The following DENND1A variants were observed in gnomAD, a reference collection of about 807,000 sequenced individuals.
The protein encoded by DENND1A is DENN domain containing 1A.
In DENND1A, 51 loss-of-function variants were observed where a neutral mutation model predicts 113.7. The ratio of observed to expected loss-of-function variants is 0.45; its 90% CI spans 0.36 to 0.57. The LOEUF (loss-of-function observed/expected upper bound fraction) is 0.57. DENND1A is among the 20% of genes least tolerant of loss of function. The pLI, the probability that DENND1A is intolerant of heterozygous loss-of-function variation, is 0.00. For synonymous variants in DENND1A, 565 were observed against 570.8 expected, an observed-to-expected ratio of 0.99 and a Z score of 0.14; for missense variants, 1,258 against 1,395.9, an observed-to-expected ratio of 0.90 and a Z score of 1.57.
intron 5 of DENND1A, among the ~76,000 whole-genome samples, chr9:123,741,683 T>C (rs564480050): frequency 6.6e-6 from 1 of 152,324 alleles, no homozygotes; most frequent in East Asian, 1.9e-4. Context: ...ATCCTGGTTA[T>C]CCCTTCACCT....
chr9:123,527,538 C>T (rs1484782103), intron 13 of DENND1A, among the ~76,000 whole-genome samples: 2 of 152,138 alleles, frequency 1.3e-5, no homozygotes, highest in Admixed American at 6.6e-5. Context: ...CCTGGCTACC[C>T]CACTCATTTA....
intron 10 of DENND1A, among the ~76,000 whole-genome samples, chr9:123,623,911 C>T (rs575211243): frequency 2.6e-5 from 4 of 152,300 alleles, no homozygotes; most frequent in African/African-American, 9.6e-5. Context: ...ACGAAGACTT[C>T]ATCTTCAGGC....
intron 11 of DENND1A, among the ~76,000 whole-genome samples, chr9:123,584,813 G>A (rs903117591): frequency 3.3e-5 from 5 of 152,034 alleles, no homozygotes; most frequent in African/African-American, 9.7e-5. Context: ...ACTGACCTCC[G>A]CACAGCCCTT....
chr9:123,495,736 A>T (rs2051853740), intron 13 of DENND1A, among the ~76,000 whole-genome samples: 1 of 151,910 alleles, frequency 6.6e-6, no homozygotes, highest in Non-Finnish European at 1.5e-5. Flanking sequence ...TTTTCTTCTA[A>T]CTCCCCACAC....
intron 10 of DENND1A, among the ~76,000 whole-genome samples, chr9:123,615,583 T>G (rs1319811471): frequency 6.6e-6 from 1 of 152,224 alleles, no homozygotes; most frequent in Non-Finnish European, 1.5e-5. Flanking sequence ...CTCAGTCACA[T>G]GGTGGCCCCA....
chr9:123,581,082 G>A (rs1288761235), intron 12 of DENND1A, among the ~76,000 whole-genome samples: 3 of 150,356 alleles, frequency 2.0e-5, no homozygotes, highest in Admixed American at 2.0e-4. Context: ...GTAGGGCAGA[G>A]GGGCCATGTG....
chr9:123,613,467 T>A (rs932441867), intron 10 of DENND1A, among the ~76,000 whole-genome samples: 1 of 152,220 alleles, frequency 6.6e-6, no homozygotes, highest in Admixed American at 6.5e-5. Context: ...ATCCATCTAC[T>A]AGAAGTGATC....
rs375770281 is a variant in DENND1A at position 123,566,149 on chromosome 9, C to T, written c.868-8454G>A. On this transcript the variant is annotated intron_variant, in intron 12 of 23. Transcript: ENST00000394215. ...GAGTCTGTGCTAGTCCATTGATTCT[C>T]ACTGCTGCCAGGGTTTCTTAGACCA... Among the ~76,000 whole-genome samples, 9 of 152,348 alleles carry T rather than the reference C, an allele frequency of 5.9e-5. 1 individual carries two copies. The highest frequency in any genetic ancestry group is 2.0e-4 in the Admixed American group (3 of 15,304).
chr9:123,924,444 G>C (rs745307005), intron 1 of DENND1A, among the ~76,000 whole-genome samples: 3 of 152,056 alleles, frequency 2.0e-5, no homozygotes, highest in Non-Finnish European at 2.9e-5. Flanking sequence ...CAAGGCAGTC[G>C]GATCATCAGG....
chr9:123,699,537 T>G (rs2065744155), intron 5 of DENND1A, among the ~76,000 whole-genome samples: 1 of 152,072 alleles, frequency 6.6e-6, no homozygotes, highest in Non-Finnish European at 1.5e-5. Context: ...CCTGGCTCCC[T>G]GTGCCCATCT....
At chr9:123,488,204 T>C (rs529480275) in intron 13 of DENND1A, among the ~76,000 whole-genome samples, 36 of 152,366 alleles carry the variant, frequency 2.4e-4, no homozygotes, top group African/African-American at 8.2e-4. Flanking sequence ...AATGGAGTCA[T>C]GATGTGAACC....
Position 123,884,303 on chromosome 9 carries a change from C to A in DENND1A, c.18-5282G>T, listed in dbSNP as rs1267141713. On this transcript the variant is annotated intron_variant, in intron 1 of 23. Transcript: ENST00000394215. Reference sequence around the variant, plus strand: ...GAAAATCCTATTTCTGTCCTATTAACACTCACTGCTAATTTGGTACATGTA... The same window carrying A: ...GAAAATCCTATTTCTGTCCTATTAAAACTCACTGCTAATTTGGTACATGTA... 2.0e-5 allele frequency among the ~76,000 whole-genome samples: 3 copies of A among 152,142 alleles called. No individual in the cohort carries two copies. In the East Asian group the frequency reaches 5.8e-4, roughly 29 times the overall value.
At chr9:123,852,057 C>T (rs1034198803) in intron 2 of DENND1A, among the ~76,000 whole-genome samples, 1 of 152,190 alleles carries the variant, frequency 6.6e-6, no homozygotes, top group Non-Finnish European at 1.5e-5. Context: ...TGTGCTCCAA[C>T]GTGCCTCCTG....
chr9:123,805,381 G>A (rs1835366200), intron 2 of DENND1A, among the ~76,000 whole-genome samples: 1 of 151,758 alleles, frequency 6.6e-6, no homozygotes, highest in South Asian at 2.1e-4. Context: ...AAGTCTAAAT[G>A]CAAAATTTAT....
chr9:123,715,635 G>A (rs1320500542), intron 5 of DENND1A, among the ~76,000 whole-genome samples: 1 of 152,142 alleles, frequency 6.6e-6, no homozygotes, highest in Non-Finnish European at 1.5e-5. Context: ...TATGTCTAGA[G>A]CTCAGAGAAA....
chr9:123,846,735 GT>G (rs1234073473), intron 2 of DENND1A, among the ~76,000 whole-genome samples: 1 of 152,192 alleles, frequency 6.6e-6, no homozygotes, highest in Non-Finnish European at 1.5e-5. Context: ...TGATTACAAA[GT>G]TTTTATTTGA....
chr9:123,709,063 T>G (rs1287915623), intron 5 of DENND1A, among the ~76,000 whole-genome samples: 1 of 152,218 alleles, frequency 6.6e-6, no homozygotes, highest in Non-Finnish European at 1.5e-5. Context: ...GGTCAGCATA[T>G]CAAGGGCTGT....
chr9:123,785,908 G>A (rs1832087633), intron 3 of DENND1A, among the ~76,000 whole-genome samples: 1 of 152,118 alleles, frequency 6.6e-6, no homozygotes, highest in African/African-American at 2.4e-5. Flanking sequence ...AATCAACAGT[G>A]ACTCTTAGAA....
chr9:123,722,977 C>G lies in DENND1A; in HGVS notation c.302+34726G>C, dbSNP rs548098670. Among the ~76,000 whole-genome samples the G allele has an allele frequency of 6.6e-5, 10 of 152,282 alleles. No homozygotes were observed. In the South Asian group the frequency reaches 2.1e-3, roughly 32 times the overall value. ...TCCACTGACAGCTTGCACTGTGTGC[C>G]TAGAAAAAGCTGAAGATACTCAATA... On this transcript the variant is annotated intron_variant, in intron 5 of 23. Coordinates refer to ENST00000394215, the MANE Select transcript of DENND1A (RefSeq NM_001352964.2).
Sources: gnomAD v4.1 joint callset for allele counts (sites outside exome capture counted in the v4.1 genomes callset) on GRCh38, gnomAD v4.1.1 for gene constraint, MANE v1.5 for transcripts, NCBI Gene and HGNC (gene_info 2026-07-23, HGNC 2026-07-21) for gene names.